Variants in SARDH observed in about 807,000 individuals in gnomAD.
SARDH encodes the protein sarcosine dehydrogenase, mitochondrial.
A neutral mutation model predicts 109.1 loss-of-function variants in SARDH; 95 were observed. The ratio of observed to expected loss-of-function variants is 0.87; its 90% confidence interval spans 0.74 to 1.03. The LOEUF is 1.03. Among genes scored for constraint, SARDH ranks in the 50% least tolerant of loss-of-function variants. SARDH has a pLI of 0.00. For synonymous variants in SARDH, 572 were observed against 534.8 expected, an observed-to-expected ratio of 1.07 and a Z score of -0.96; for missense variants, 1,267 against 1,287.8, an observed-to-expected ratio of 0.98 and a Z score of 0.25.
rs577094948 is a variant in SARDH, at chr9:133,704,912, G to C, written c.1554+36C>G. 10 of 1,540,188 alleles carry C rather than the reference G, an allele frequency of 6.5e-6. No homozygotes were observed. In the South Asian group the frequency reaches 9.5e-5, roughly 15 times the overall value. ...GGGGCAAGGGGGTTGTCAGGGCAGGGCCTCCCAGCAGCACAGCCCAGCAGG... is the reference window on the plus strand; with the variant it reads ...GGGGCAAGGGGGTTGTCAGGGCAGGCCCTCCCAGCAGCACAGCCCAGCAGG... On this transcript the variant is annotated intron_variant, in intron 12 of 20. Coordinates refer to ENST00000439388, the MANE Select transcript of SARDH (RefSeq NM_001134707.2). This position sits in a 1 kb window ranked among gnomAD's most constrained non-coding sequence, Gnocchi z 4.5.
intron 6 of SARDH, among the ~76,000 whole-genome samples, chr9:133,724,273 G>A (rs989276618): frequency 6.6e-6 from 1 of 152,176 alleles, no homozygotes; most frequent in Non-Finnish European, 1.5e-5. Context: ...ATGTAACAAA[G>A]GACCTGTATC....
Position 133,712,493 on chromosome 9 carries a change from T to G in SARDH, c.1328+126A>C. 1 of 800,698 alleles carries G rather than the reference T, an allele frequency of 1.2e-6. No homozygotes were observed. 49.6% of individuals were successfully genotyped at this position (800,698 alleles called of 1,614,324 possible). On this transcript the variant is annotated intron_variant, in intron 10 of 20. Transcript: ENST00000439388. The surrounding 1 kb of genome is among the most constrained non-coding windows in gnomAD (Gnocchi z 4.1). ...TCTGCTGGTGGCCTTCCTCCCTCAC[T>G]GCTGCCCCTTCCAGGAAGCCACCTG...
At chr9:133,682,713 G>A (rs553028332) in intron 17 of SARDH, among the ~76,000 whole-genome samples, 1 of 115,208 alleles carries the variant, frequency 8.7e-6, no homozygotes, top group Non-Finnish European at 1.7e-5. Context: ...AAACCCATGC[G>A]CAGTGATGGT....
At chr9:133,713,282 G>A (rs1031614362) in intron 8 of SARDH, among the ~76,000 whole-genome samples, 158 bp from the exon 9 acceptor site, 3 of 152,128 alleles carry the variant, frequency 2.0e-5, no homozygotes, top group African/African-American at 4.8e-5. Flanking sequence ...TTCCTCATGG[G>A]GGCCTCCCCG....
intron 13 of SARDH, among the ~76,000 whole-genome samples, chr9:133,701,284 A>G (rs1831475523): frequency 6.6e-6 from 1 of 152,230 alleles, no homozygotes; most frequent in Non-Finnish European, 1.5e-5. Context: ...GCTGGTTGTT[A>G]AGCTGTTACC....
At chr9:133,721,479 A>C (rs1014487604) in intron 6 of SARDH, among the ~76,000 whole-genome samples, 4 of 152,208 alleles carry the variant, frequency 2.6e-5, no homozygotes, top group African/African-American at 9.7e-5. Context: ...GCTGTGACAA[A>C]AGGAAGAAAA....
intron 19 of SARDH, among the ~76,000 whole-genome samples, chr9:133,668,300 TCTC>T (rs1830149930): frequency 2.0e-5 from 1 of 50,088 alleles, no homozygotes; most frequent in African/African-American, 8.1e-5. Context: ...TCTCCCTCCC[TCTC>T]CCTCCCTCTC....
At chr9:133,664,972 C>A (rs560969736) in intron 20 of SARDH, among the ~76,000 whole-genome samples, 15 of 152,282 alleles carry the variant, frequency 9.9e-5, no homozygotes, top group African/African-American at 3.4e-4. Context: ...CATCTCGGAG[C>A]CTTTCCCATC....
rs951669719 is a variant in SARDH, at chr9:133,709,881, TG to T, written c.1329-1454del. On this transcript the variant is annotated intron_variant, in intron 10 of 20. Coordinates refer to ENST00000439388, the MANE Select transcript of SARDH (RefSeq NM_001134707.2). The surrounding 1 kb of genome is among the most constrained non-coding windows in gnomAD (Gnocchi z 4.2). ...GGCCACGGCAAAGGCAGCCCACACC[TG>T]CGCCAGGCTATGCTGACCAGGAGCT... 1.3e-5 allele frequency among the ~76,000 whole-genome samples: 2 copies of T among 151,980 alleles called. No individual in the cohort carries two copies. Among genetic ancestry groups the T allele is most frequent in the Non-Finnish European group, 2.9e-5 (2 of 67,988 alleles).
intron 17 of SARDH, among the ~76,000 whole-genome samples, chr9:133,677,015 T>G (rs1830536655): frequency 6.6e-6 from 1 of 152,110 alleles, no homozygotes; most frequent in South Asian, 2.1e-4. Context: ...GATGGGCACC[T>G]TTAGTCCCAG....
intron 5 of SARDH, 22 bp from the exon 6 acceptor site, chr9:133,729,887 C>T: frequency 6.2e-7 from 1 of 1,609,752 alleles, no homozygotes; most frequent in Non-Finnish European, 8.5e-7. Context: ...GCACAGACAG[C>T]TCAGCTCTGC....
intron 17 of SARDH, among the ~76,000 whole-genome samples, chr9:133,680,869 G>T (rs1830673061): frequency 6.6e-6 from 1 of 152,222 alleles, no homozygotes; most frequent in Admixed American, 6.5e-5. Flanking sequence ...AAGCCAGTGG[G>T]GCTGCGCTCA....
intron 17 of SARDH, among the ~76,000 whole-genome samples, chr9:133,679,895 C>A (rs534526798): frequency 6.6e-6 from 1 of 152,356 alleles, no homozygotes; most frequent in African/African-American, 2.4e-5. Context: ...TGGCCCTTGT[C>A]CTCATCGGCC....
chr9:133,697,257 T>A (rs1831319220), intron 13 of SARDH, among the ~76,000 whole-genome samples: 1 of 152,146 alleles, frequency 6.6e-6, no homozygotes, highest in Non-Finnish European at 1.5e-5. Context: ...CAAATCTTAA[T>A]AGAACTAAAA....
chr9:133,702,658 C>G (rs1056645123), intron 13 of SARDH, among the ~76,000 whole-genome samples: 1 of 152,232 alleles, frequency 6.6e-6, no homozygotes, highest in Non-Finnish European at 1.5e-5. Context: ...CCTCCGCCCC[C>G]ACCTCACCCC....
At chr9:133,683,290 G>C (rs966876482) in intron 17 of SARDH, among the ~76,000 whole-genome samples, 9 of 152,208 alleles carry the variant, frequency 5.9e-5, no homozygotes, top group African/African-American at 1.2e-4. Context: ...CCGTGCGGGT[G>C]GGGGCAAGGC....
intron 17 of SARDH, among the ~76,000 whole-genome samples, chr9:133,678,113 A>C (rs1216725631): frequency 3.9e-5 from 6 of 152,260 alleles, no homozygotes; most frequent in Middle Eastern, 3.4e-3. Context: ...TGCCTGTCCC[A>C]TTCCATTCAG....
At chr9:133,689,458 C>T (rs78992322) in intron 16 of SARDH, among the ~76,000 whole-genome samples, 1,627 of 152,098 alleles carry the variant, frequency 0.011, 33 homozygotes, top group African/African-American at 0.037. Context: ...CGTTTTCTCA[C>T]AGAGGATTTT....
chr9:133,736,165 C>T (rs1319194725), intron 1 of SARDH, among the ~76,000 whole-genome samples: 1 of 152,252 alleles, frequency 6.6e-6, no homozygotes, highest in African/African-American at 2.4e-5. Context: ...TCTCTTTCCA[C>T]CCACTTATGA....
Sources: allele counts gnomAD v4.1 joint callset (sites outside exome capture counted in the v4.1 genomes callset), GRCh38; gene constraint gnomAD v4.1.1; non-coding constraint Gnocchi (gnomAD v3.1); transcripts MANE v1.5; gene names NCBI Gene and HGNC (gene_info 2026-07-23, HGNC 2026-07-21).